Variants in WNT7B observed in about 807,000 individuals in gnomAD.
WNT7B encodes protein Wnt-7b.
In WNT7B, 19 loss-of-function variants were observed where a neutral mutation model predicts 38.2. The ratio of observed to expected loss-of-function variants is 0.50; its 90% CI spans 0.35 to 0.73. The LOEUF (loss-of-function observed/expected upper bound fraction) is 0.73, where lower values mean the gene tolerates loss of function less well. WNT7B is among the 30% of genes least tolerant of loss of function. The pLI is 0.01. For synonymous variants in WNT7B, 243 were observed against 209.3 expected (o/e 1.16, Z -1.39); for missense variants, 423 against 507.9 (o/e 0.83, Z 1.61).
chr22:45,930,299 T>C (rs1041945365), intron 3 of WNT7B, among the ~76,000 whole-genome samples: 3 of 152,326 alleles, frequency 2.0e-5, no homozygotes, highest in African/African-American at 7.2e-5. Context: ...GCCCGAGGGA[T>C]TCTTCAGCTC....
intron 2 of WNT7B, among the ~76,000 whole-genome samples, chr22:45,939,009 T>C (rs1447555728): frequency 6.6e-6 from 1 of 152,212 alleles, no homozygotes; most frequent in Admixed American, 6.5e-5. Context: ...CAAAAGATTC[T>C]CAGCATCATT....
chr22:45,976,815 C>G lies in WNT7B; in HGVS notation c.-61G>C, dbSNP rs1414407117. On this transcript the variant is annotated 5_prime_UTR_variant, in exon 1 of 4. Coordinates refer to ENST00000339464, the MANE Select transcript of WNT7B (RefSeq NM_058238.3). This position sits in a 1 kb window ranked among gnomAD's most constrained non-coding sequence, Gnocchi z 8.5. Reference sequence around the variant, plus strand: ...GGCCGGAGGGGACGCGCGGGCCCGGCAGGGCCGGGCAGGGGCCAGGGGGCT... The same window carrying G: ...GGCCGGAGGGGACGCGCGGGCCCGGGAGGGCCGGGCAGGGGCCAGGGGGCT... 6.7e-7 allele frequency: 1 copy of G among 1,494,966 alleles called. No individual in the cohort carries two copies. Among genetic ancestry groups the G allele is most frequent in the East Asian group, 2.7e-5 (1 of 36,528 alleles). 92.6% of individuals were successfully genotyped at this position (1,494,966 alleles called of 1,614,324 possible).
In WNT7B at chr22:45,923,346, C is replaced by T. The variant is rs1441639866; in HGVS notation, c.571-11G>A. The T allele has an allele frequency of 1.3e-6, 2 of 1,589,802 alleles. No homozygotes were observed. The highest frequency in any genetic ancestry group is 1.7e-5 in the Admixed American group (1 of 59,026). ...CCGGTCCTCTAGAACCTGCGGGTGA[C>T]AGGGAAGCTGCTCGGCACGGCATGG... On this transcript the variant is annotated splice_polypyrimidine_tract_variant and intron_variant, in intron 3 of 3. Transcript: ENST00000339464.
Position 45,975,772 on chromosome 22 carries a change from AG to A in WNT7B, c.71+911del, listed in dbSNP as rs1932537535. ...GGCGCGGCGGGGCCCGGGTCCCCGC[AG>A]GTGCGAGGAGCGCGGGGCCAGCAGC... On this transcript the variant is annotated intron_variant, in intron 1 of 3. Coordinates refer to ENST00000339464, the MANE Select transcript of WNT7B (RefSeq NM_058238.3). This position sits in a 1 kb window ranked among gnomAD's most constrained non-coding sequence, Gnocchi z 6.6. 1.7e-5 allele frequency: 6 copies of A among 349,772 alleles called. No homozygotes were observed. In the East Asian group the frequency reaches 2.6e-4, roughly 15 times the overall value. The allele number at this position is 349,772 out of a possible 1,614,324, so 21.7% of individuals were successfully genotyped here. A position where few individuals can be genotyped will look rare whatever the true frequency, so the allele number is the denominator to read the frequency against.
chr22:45,926,875 C>A, intron 3 of WNT7B: 13 of 985,442 alleles, frequency 1.3e-5, no homozygotes, highest in Non-Finnish European at 1.6e-5. Context: ...CCGGCGCTCC[C>A]ATTAGGACGG....
At chr22:45,950,782 A>AC (rs993266688) in intron 1 of WNT7B, among the ~76,000 whole-genome samples, 3 of 152,236 alleles carry the variant, frequency 2.0e-5, no homozygotes, top group African/African-American at 7.2e-5. Flanking sequence ...GGCTCAGACG[A>AC]CCACAGGGAG....
At chr22:45,926,909 A>G (rs111460594) in intron 3 of WNT7B, 19 of 985,318 alleles carry the variant, frequency 1.9e-5, no homozygotes, top group East Asian at 1.1e-4. Flanking sequence ...CCCACCCAGC[A>G]GGACGCTGTG....
At chr22:45,971,757 TG>T (rs1932445570) in intron 1 of WNT7B, among the ~76,000 whole-genome samples, 4 of 152,170 alleles carry the variant, frequency 2.6e-5, no homozygotes, top group African/African-American at 9.6e-5. Context: ...AAGTGTGGCA[TG>T]GTATTGCGCG....
intron 2 of WNT7B, among the ~76,000 whole-genome samples, chr22:45,942,761 T>C (rs1404329562): frequency 6.6e-6 from 1 of 152,220 alleles, no homozygotes; most frequent in Non-Finnish European, 1.5e-5. Flanking sequence ...AAGTGCTGGA[T>C]GCGTCTGGGC....
chr22:45,931,167 C>T lies in WNT7B; in HGVS notation c.501G>A (p.Val167=), dbSNP rs1395874039. The part of the protein sequence containing the change: ...RYGIDFSRRF[V]DAREIKKNAR... ...CGTTCTTCTTGATCTCCCGAGCGTC[C>T]ACGAAGCGCCGGGAGAAGTCGATGC... The change falls in exon 3 of 4, where the codon GTG becomes GTA. Residue 167 remains valine, a synonymous_variant. Transcript: ENST00000339464. 2 of 1,599,498 alleles carry T rather than the reference C, an allele frequency of 1.3e-6. No individual in the cohort carries two copies. The highest frequency in any genetic ancestry group is 1.3e-5 in the African/African-American group (1 of 75,038).
intron 1 of WNT7B, among the ~76,000 whole-genome samples, chr22:45,957,705 A>AAAAAAAAC (rs1312371221): frequency 6.6e-6 from 1 of 150,908 alleles, no homozygotes; most frequent in African/African-American, 2.4e-5. Flanking sequence ...AAAAAAAAAA[A>AAAAAAAAC]AAAAAAACAG....
At chr22:45,969,050 C>A (rs1263445429) in intron 1 of WNT7B, among the ~76,000 whole-genome samples, 1 of 152,270 alleles carries the variant, frequency 6.6e-6, no homozygotes, top group Non-Finnish European at 1.5e-5. Flanking sequence ...CCTGTCCCCA[C>A]ACGGGCCATG....
At chr22:45,929,997 C>G (rs897100181) in intron 3 of WNT7B, among the ~76,000 whole-genome samples, 3 of 152,248 alleles carry the variant, frequency 2.0e-5, no homozygotes, top group Non-Finnish European at 4.4e-5. Flanking sequence ...TTAATAACCA[C>G]CTGCATGATA....
intron 2 of WNT7B, chr22:45,936,252 C>T: frequency 3.6e-6 from 3 of 838,524 alleles, no homozygotes; most frequent in Non-Finnish European, 4.3e-6. Flanking sequence ...TCAAAATCCT[C>T]ACCTTGCTGC....
rs976274102 is a variant in WNT7B at position 45,950,201 on chromosome 22, C to T, written c.72-55G>A. The T allele has an allele frequency of 5.6e-6, 8 of 1,437,074 alleles. No individual in the cohort carries two copies. The African/African-American group carries it at 1.1e-4, about 20-fold the overall frequency. 89.0% of individuals were successfully genotyped at this position (1,437,074 alleles called of 1,614,324 possible). A position where few individuals can be genotyped will look rare whatever the true frequency, so the allele number is the denominator to read the frequency against. On this transcript the variant is annotated intron_variant, in intron 1 of 3. Transcript: ENST00000339464. Reference sequence around the variant, plus strand: ...GACGGCGGCGGCCAGCGCCCCTCCTCACCCCCAACACCTTTCCCCCACTCA... The same window carrying T: ...GACGGCGGCGGCCAGCGCCCCTCCTTACCCCCAACACCTTTCCCCCACTCA...
chr22:45,970,847 C>T (rs984384550), intron 1 of WNT7B, among the ~76,000 whole-genome samples: 48 of 152,344 alleles, frequency 3.2e-4, no homozygotes, highest in African/African-American at 1.1e-3. Context: ...ACTGCTCAGG[C>T]GGTCCCCACC....
At chr22:45,964,894 T>A (rs939120990) in intron 1 of WNT7B, among the ~76,000 whole-genome samples, 4 of 151,998 alleles carry the variant, frequency 2.6e-5, no homozygotes, top group African/African-American at 7.3e-5. Flanking sequence ...CTCAGCCACC[T>A]CCTCTCCTCA....
In WNT7B at chr22:45,966,654, C is replaced by T. The variant is rs1757837770; in HGVS notation, c.71+10030G>A. 6.6e-6 allele frequency among the ~76,000 whole-genome samples: 1 copy of T among 152,184 alleles called. No homozygotes were observed. The highest frequency in any genetic ancestry group is 2.1e-4 in the South Asian group (1 of 4,830). On this transcript the variant is annotated intron_variant, in intron 1 of 3. Transcript: ENST00000339464. The surrounding 1 kb of genome is among the most constrained non-coding windows in gnomAD (Gnocchi z 4.2). ...TCACACTCTAAAGCTGCAAAGGCTG[C>T]TTGGGGGAGCAGGACGTTAGTGTCT...
chr22:45,956,597 A>G (rs58976446), intron 1 of WNT7B, among the ~76,000 whole-genome samples: 5,931 of 152,296 alleles, frequency 0.039, 355 homozygotes, highest in African/African-American at 0.13. Flanking sequence ...AAACCCGTGC[A>G]TGTGATCACC....
Sources: allele counts gnomAD v4.1 joint callset (sites outside exome capture counted in the v4.1 genomes callset), GRCh38; gene constraint gnomAD v4.1.1; non-coding constraint Gnocchi (gnomAD v3.1); transcripts MANE v1.5; gene names NCBI Gene and HGNC (gene_info 2026-07-23, HGNC 2026-07-21).